Variants in BLTP1 observed in about 807,000 individuals in gnomAD.
BLTP1 encodes fragile site-associated protein.
the BLTP1 span, among the ~76,000 whole-genome samples, chr4:122,184,407 G>A: frequency 1.3e-5 from 2 of 152,158 alleles, no homozygotes; most frequent in Non-Finnish European, 2.9e-5. Context: ...GGAAGGCTGA[G>A]GCGGGCAGAT....
chr4:122,164,396 T>G, the BLTP1 span: 1 of 985,252 alleles, frequency 1.0e-6, no homozygotes, highest in Non-Finnish European at 1.2e-6. Context: ...AGAATAAAAG[T>G]GAAAGTCTGG....
chr4:122,342,749 G>C, the BLTP1 span, among the ~76,000 whole-genome samples: 1 of 152,214 alleles, frequency 6.6e-6, no homozygotes, highest in Non-Finnish European at 1.5e-5. Context: ...GTGCAGTTCA[G>C]TTTAAATGCC....
chr4:122,293,813 G>A, the BLTP1 span, among the ~76,000 whole-genome samples: 1 of 152,216 alleles, frequency 6.6e-6, no homozygotes, highest in East Asian at 1.9e-4. Context: ...GAAGGCTGGA[G>A]ACTGCCTGAG....
At chr4:122,324,374 A>G in the BLTP1 span, 57 of 1,547,486 alleles carry the variant, frequency 3.7e-5, no homozygotes, top group Middle Eastern at 1.7e-4. Flanking sequence ...TTTGAAGTCA[A>G]ATACAGTAAA....
At chr4:122,167,164 G>A in the BLTP1 span, among the ~76,000 whole-genome samples, 1 of 151,850 alleles carries the variant, frequency 6.6e-6, no homozygotes, top group African/African-American at 2.4e-5. Context: ...GCACATATAC[G>A]GTACATAAAT....
chr4:122,240,319 C>T, the BLTP1 span: 10 of 1,613,852 alleles, frequency 6.2e-6, no homozygotes, highest in East Asian at 6.7e-5. Context: ...GAAAGTTCAT[C>T]GTCATTTGAA....
chr4:122,259,870 A>G, the BLTP1 span: 1 of 908,176 alleles, frequency 1.1e-6, no homozygotes, highest in Non-Finnish European at 1.3e-6. Context: ...AAAAAAAAAA[A>G]TTTTAACTTT....
chr4:122,224,606 G>T, the BLTP1 span: 3 of 1,614,078 alleles, frequency 1.9e-6, no homozygotes, highest in South Asian at 3.3e-5. Flanking sequence ...TTTGGGAAGC[G>T]ATTCCTTAGA....
chr4:122,207,288 G>A, the BLTP1 span: 2 of 1,575,820 alleles, frequency 1.3e-6, no homozygotes, highest in East Asian at 2.3e-5. Context: ...AAAAAATTAG[G>A]TTAAATATTT....
chr4:122,201,562 G>C, the BLTP1 span, among the ~76,000 whole-genome samples: 1 of 152,106 alleles, frequency 6.6e-6, no homozygotes, highest in Non-Finnish European at 1.5e-5. Flanking sequence ...CTGTTGGCAT[G>C]GATAATTGAG....
At chr4:122,282,627 G>A in the BLTP1 span, among the ~76,000 whole-genome samples, 1 of 151,904 alleles carries the variant, frequency 6.6e-6, no homozygotes, top group Admixed American at 6.6e-5. Context: ...TGGCGACAGA[G>A]TGAGACTTCA....
chr4:122,200,767 C>T, the BLTP1 span: 1 of 912,582 alleles, frequency 1.1e-6, no homozygotes. Context: ...AACACTGTAG[C>T]CTGATTTGTT....
At chr4:122,191,959 A>G in the BLTP1 span, among the ~76,000 whole-genome samples, 1 of 152,132 alleles carries the variant, frequency 6.6e-6, no homozygotes, top group Non-Finnish European at 1.5e-5. Flanking sequence ...TTAATTTTAT[A>G]TTACATGTTA....
At chr4:122,286,202 T>G in the BLTP1 span, among the ~76,000 whole-genome samples, 1 of 152,188 alleles carries the variant, frequency 6.6e-6, no homozygotes, top group South Asian at 2.1e-4. Context: ...TTTTTTAACT[T>G]GATTTTCTTG....
chr4:122,250,126 A>C, the BLTP1 span: 1 of 472,604 alleles, frequency 2.1e-6, no homozygotes, highest in Non-Finnish European at 2.8e-6. Flanking sequence ...TGAAATGTGT[A>C]TAACACTTTT....
chr4:122,199,210 A>G, the BLTP1 span: 1 of 997,708 alleles, frequency 1.0e-6, no homozygotes, highest in Non-Finnish European at 1.4e-6. Context: ...TAAGTTAGCA[A>G]GCTCCCTGTC....
At chr4:122,204,107 G>A in the BLTP1 span, among the ~76,000 whole-genome samples, 1 of 151,794 alleles carries the variant, frequency 6.6e-6, no homozygotes, top group African/African-American at 2.4e-5. Context: ...TCACTTATGG[G>A]CATTTCTTGT....
the BLTP1 span, chr4:122,237,026 G>A: frequency 2.0e-6 from 2 of 985,014 alleles, no homozygotes; most frequent in African/African-American, 3.5e-5. Flanking sequence ...GTATCACTTA[G>A]AAGCAAATCA....
chr4:122,240,978 G>A, the BLTP1 span, among the ~76,000 whole-genome samples: 1 of 152,162 alleles, frequency 6.6e-6, no homozygotes, highest in Admixed American at 6.5e-5. Context: ...TTGATGTAGA[G>A]TGGTGAGGGA....
Sources: allele counts gnomAD v4.1 joint callset (sites outside exome capture counted in the v4.1 genomes callset), GRCh38; gene constraint gnomAD v4.1.1; transcripts MANE v1.5; gene names NCBI Gene and HGNC (gene_info 2026-07-23, HGNC 2026-07-21).